The following LIMS1 variants were observed in gnomAD, a reference collection of about 807,000 sequenced individuals.
LIMS1 encodes LIM zinc finger domain containing 1.
Under a neutral mutation model 44.1 loss-of-function variants are expected in LIMS1, and 18 were observed. The observed-to-expected ratio is 0.41, with a 90% CI of 0.28 to 0.61. The LOEUF is 0.61. LIMS1 is among the 20% of genes least tolerant of loss of function. The pLI is 0.32. For missense variants in LIMS1, 201 were observed against 422.0 expected, an observed-to-expected ratio of 0.48 and a Z score of 4.59; for synonymous variants, 93 against 149.1, an observed-to-expected ratio of 0.62 and a Z score of 2.74.
intron 1 of LIMS1, among the ~76,000 whole-genome samples, chr2:108,598,717 C>T (rs980768160): frequency 4.6e-5 from 7 of 152,184 alleles, no homozygotes; most frequent in African/African-American, 1.7e-4. Context: ...GTCTGTTTCT[C>T]CTGTCATTGT....
At chr2:108,561,737 TTTTTTTTTG>T (rs1464117078) in intron 1 of LIMS1, among the ~76,000 whole-genome samples, 2 of 116,418 alleles carry the variant, frequency 1.7e-5, no homozygotes, top group Non-Finnish European at 3.7e-5. Context: ...ATCAGCAGTG[TTTTTTTTTG>T]TTTTTTTTTT....
In LIMS1 at chr2:108,588,263, A is replaced by G. The variant is rs1381080063; in HGVS notation, c.32+53669A>G. On this transcript the variant is annotated intron_variant, in intron 1 of 9. Coordinates refer to ENST00000544547, the Ensembl canonical transcript of LIMS1. ...CACACCATGTCACATGATTTGACTA[A>G]ATACAGGAAAAAAAAAAACCCTGAA... is the stretch of plus-strand genomic sequence containing the variant. The G allele has an allele frequency of 3.3e-5, 27 of 813,660 alleles. 1 individual carries two copies. Among genetic ancestry groups the G allele is most frequent in the Non-Finnish European group, 3.0e-5 (22 of 723,164 alleles). 50.4% of individuals were successfully genotyped at this position (813,660 alleles called of 1,614,324 possible). A position where few individuals can be genotyped will look rare whatever the true frequency, so the allele number is the denominator to read the frequency against.
chr2:108,662,507 C>A, intron 2 of LIMS1: 1 of 1,334,592 alleles, frequency 7.5e-7, no homozygotes, highest in Non-Finnish European at 1.0e-6. Flanking sequence ...TTGCCCAGTT[C>A]AAGATCTGTT....
intron 1 of LIMS1, among the ~76,000 whole-genome samples, chr2:108,561,639 G>A (rs1216980141): frequency 6.6e-6 from 1 of 151,974 alleles, no homozygotes; most frequent in East Asian, 1.9e-4. Flanking sequence ...AACAGCATGT[G>A]CTCACTTCAT....
intron 2 of LIMS1, among the ~76,000 whole-genome samples, chr2:108,669,061 T>G (rs1691984035): frequency 6.6e-6 from 1 of 152,054 alleles, no homozygotes; most frequent in African/African-American, 2.4e-5. Context: ...TAGCAAGAAC[T>G]AGTCTAAAAA....
At chr2:108,662,836 A>G in intron 2 of LIMS1, 1 of 782,112 alleles carries the variant, frequency 1.3e-6, no homozygotes, top group Non-Finnish European at 1.6e-6. Flanking sequence ...CGTTATCAGA[A>G]CAACTTCCTT....
intron 1 of LIMS1, among the ~76,000 whole-genome samples, chr2:108,645,711 G>A (rs1409120877): frequency 6.6e-6 from 1 of 151,850 alleles, no homozygotes; most frequent in African/African-American, 2.4e-5. Flanking sequence ...ATTGGATGAA[G>A]AGTCAAGACC....
intron 1 of LIMS1, among the ~76,000 whole-genome samples, chr2:108,618,892 C>G (rs1688081239): frequency 6.6e-6 from 1 of 150,474 alleles, no homozygotes; most frequent in Non-Finnish European, 1.5e-5. Flanking sequence ...TTTAATTTTA[C>G]TCAGCTGTGG....
chr2:108,587,295 T>C (rs1230487183), intron 1 of LIMS1, among the ~76,000 whole-genome samples: 4 of 26,852 alleles, frequency 1.5e-4, no homozygotes, highest in African/African-American at 3.4e-4. Flanking sequence ...GGGGTTTGTG[T>C]GTGTGTGTGT....
intron 1 of LIMS1, among the ~76,000 whole-genome samples, chr2:108,610,724 A>C (rs1687553138): frequency 6.6e-6 from 1 of 152,240 alleles, no homozygotes; most frequent in Non-Finnish European, 1.5e-5. Flanking sequence ...GTTTAATAAT[A>C]CATTTGATTG....
chr2:108,557,026 C>T (rs1175699878), intron 1 of LIMS1, among the ~76,000 whole-genome samples: 4 of 152,304 alleles, frequency 2.6e-5, no homozygotes, highest in South Asian at 2.1e-4. Context: ...CATCCGCCTT[C>T]GTTCAGTCCT....
chr2:108,614,859 G>A (rs1248879970), intron 1 of LIMS1, among the ~76,000 whole-genome samples: 1 of 152,158 alleles, frequency 6.6e-6, no homozygotes, highest in African/African-American at 2.4e-5. Flanking sequence ...GGGTGGGGCA[G>A]GAATTGTGGT....
intron 1 of LIMS1, among the ~76,000 whole-genome samples, chr2:108,641,549 G>A (rs1287983951): frequency 6.6e-5 from 10 of 152,140 alleles, no homozygotes; most frequent in Admixed American, 6.5e-4. Context: ...TGACTCTTCA[G>A]TTATTTTTAG....
chr2:108,608,768 C>T (rs1208828901), intron 1 of LIMS1, among the ~76,000 whole-genome samples: 1 of 152,036 alleles, frequency 6.6e-6, no homozygotes, highest in Non-Finnish European at 1.5e-5. Flanking sequence ...CCCCTGATGC[C>T]CATTCCAGTC....
intron 1 of LIMS1, among the ~76,000 whole-genome samples, chr2:108,643,428 C>T (rs562274050): frequency 1.3e-5 from 2 of 152,292 alleles, no homozygotes; most frequent in East Asian, 3.9e-4. Context: ...CAAGGGAAGC[C>T]ATTAGGGACT....
chr2:108,673,378 T>A (rs112005499), intron 5 of LIMS1: 2 of 329,780 alleles, frequency 6.1e-6, no homozygotes, highest in Non-Finnish European at 1.1e-5. Flanking sequence ...ACCACGATAC[T>A]TTTTGTAAAT....
intron 1 of LIMS1, among the ~76,000 whole-genome samples, chr2:108,616,662 A>G (rs1687950506): frequency 6.6e-6 from 1 of 152,002 alleles, no homozygotes; most frequent in Middle Eastern, 3.4e-3. Context: ...TTTTTTTTCC[A>G]CACAGTGAAC....
intron 8 of LIMS1, among the ~76,000 whole-genome samples, chr2:108,679,459 A>G (rs972144726): frequency 4.5e-4 from 69 of 152,272 alleles, no homozygotes; most frequent in Non-Finnish European, 1.8e-4. Context: ...CAGCCTGGGC[A>G]ACAAGAGCAA....
chr2:108,537,682 G>A (rs1684186365), intron 1 of LIMS1, among the ~76,000 whole-genome samples: 1 of 152,324 alleles, frequency 6.6e-6, no homozygotes, highest in Middle Eastern at 3.4e-3. Flanking sequence ...GTTTTTGCAG[G>A]CTTAGAGAAA....
Sources: gnomAD v4.1 joint callset for allele counts (sites outside exome capture counted in the v4.1 genomes callset) on GRCh38, gnomAD v4.1.1 for gene constraint, MANE v1.5 for transcripts, NCBI Gene and HGNC (gene_info 2026-07-23, HGNC 2026-07-21) for gene names.